CNTN5: variants seen among roughly 807,000 people sequenced by gnomAD.
CNTN5 encodes contactin 5.
CNTN5 carries 77 observed loss-of-function variants against 129.1 expected under a neutral mutation model. That is an observed-to-expected ratio of 0.60 (90% CI 0.50 to 0.72). The LOEUF is 0.72. CNTN5 is among the 30% of genes least tolerant of loss of function. The probability of loss-of-function intolerance (pLI) is 0.00; values close to 1 mark genes in which losing one functional copy is unlikely to be tolerated. For synonymous variants in CNTN5, 509 were observed against 465.6 expected, an observed-to-expected ratio of 1.09 and a Z score of -1.20; for missense variants, 1,478 against 1,328.8, an observed-to-expected ratio of 1.11 and a Z score of -1.75.
intron 3 of CNTN5, among the ~76,000 whole-genome samples, chr11:99,759,836 A>C (rs1944521559): frequency 6.6e-6 from 1 of 152,124 alleles, no homozygotes; most frequent in Non-Finnish European, 1.5e-5. Flanking sequence ...ATTTAAGTTC[A>C]AAATTGGTTG....
intron 2 of CNTN5, among the ~76,000 whole-genome samples, chr11:99,368,482 A>T (rs78561907): frequency 2.4e-4 from 35 of 143,546 alleles, no homozygotes; most frequent in African/African-American, 8.0e-4. Flanking sequence ...GTCTTAAATT[A>T]AAAAAAAAAA....
intron 20 of CNTN5, among the ~76,000 whole-genome samples, chr11:100,307,643 T>C (rs1457738273): frequency 6.6e-6 from 1 of 151,742 alleles, no homozygotes; most frequent in Admixed American, 6.6e-5. Flanking sequence ...AGTCAATGCA[T>C]GCCTTTTAAA....
At chr11:99,451,971 G>A (rs1308506290) in intron 2 of CNTN5, among the ~76,000 whole-genome samples, 2 of 152,062 alleles carry the variant, frequency 1.3e-5, no homozygotes, top group Non-Finnish European at 2.9e-5. Context: ...TTTGTTCGCA[G>A]AAATTGCTCC....
chr11:100,305,243 T>C (rs890119158), intron 20 of CNTN5, among the ~76,000 whole-genome samples: 1 of 151,538 alleles, frequency 6.6e-6, no homozygotes, highest in Admixed American at 6.6e-5. Context: ...ATCTGCAAAA[T>C]GAGAGCATGG....
At chr11:99,406,116 A>T (rs4754622) in intron 2 of CNTN5, among the ~76,000 whole-genome samples, 3 of 151,176 alleles carry the variant, frequency 2.0e-5, no homozygotes, top group African/African-American at 7.3e-5. Context: ...CTAGATGTTT[A>T]CCTGTTTCTA....
intron 1 of CNTN5, among the ~76,000 whole-genome samples, chr11:99,071,732 C>A (rs1865349910): frequency 6.6e-6 from 1 of 151,998 alleles, no homozygotes; most frequent in South Asian, 2.1e-4. Context: ...TATTTATGAA[C>A]AACTTTTCAG....
Position 99,989,702 on chromosome 11 carries a change from A to G in CNTN5, c.878-12332A>G, listed in dbSNP as rs533301785. On this transcript the variant is annotated intron_variant, in intron 8 of 24. Coordinates refer to ENST00000524871, the MANE Select transcript of CNTN5 (RefSeq NM_014361.4). ...ATAAACATCTACTTTTCTTTAAAAAAAACTTCATCTCACTTAAAGTAAATA... is the reference window on the plus strand; with the variant it reads ...ATAAACATCTACTTTTCTTTAAAAAGAACTTCATCTCACTTAAAGTAAATA... 5.0e-4 allele frequency among the ~76,000 whole-genome samples: 76 copies of G among 152,358 alleles called. 1 individual carries two copies. In the South Asian group the frequency reaches 0.011, roughly 22 times the overall value.
chr11:99,379,984 G>A (rs758970532), intron 2 of CNTN5, among the ~76,000 whole-genome samples: 2 of 151,868 alleles, frequency 1.3e-5, no homozygotes, highest in Non-Finnish European at 2.9e-5. Context: ...CATATAATGT[G>A]TATATATGCG....
chr11:100,036,954 C>G lies in CNTN5; in HGVS notation c.981-24258C>G, dbSNP rs1206401323. 2.0e-5 allele frequency among the ~76,000 whole-genome samples: 3 copies of G among 150,308 alleles called. No homozygotes were observed. The East Asian group carries it at 5.9e-4, about 29-fold the overall frequency. ...CTTCCTCTTTTCCTAATTGAAGACCCTTTATTCCCTTCTCCTGCCTGATTG... is the reference window on the plus strand; with the variant it reads ...CTTCCTCTTTTCCTAATTGAAGACCGTTTATTCCCTTCTCCTGCCTGATTG... On this transcript the variant is annotated intron_variant, in intron 9 of 24. Coordinates refer to ENST00000524871, the MANE Select transcript of CNTN5 (RefSeq NM_014361.4).
At chr11:99,946,735 A>T (rs536230999) in intron 7 of CNTN5, among the ~76,000 whole-genome samples, 2 of 152,122 alleles carry the variant, frequency 1.3e-5, no homozygotes, top group South Asian at 4.1e-4. Context: ...CCACTCAATT[A>T]CTTTAAATAT....
intron 1 of CNTN5, among the ~76,000 whole-genome samples, chr11:99,062,963 A>C (rs979296769): frequency 6.6e-6 from 1 of 152,162 alleles, no homozygotes; most frequent in Non-Finnish European, 1.5e-5. Context: ...TTACTGATGA[A>C]ATAAAAGAAA....
chr11:99,717,538 G>A (rs1028232321), intron 3 of CNTN5, among the ~76,000 whole-genome samples: 1 of 152,022 alleles, frequency 6.6e-6, no homozygotes, highest in Admixed American at 6.6e-5. Context: ...GCATGTGTGT[G>A]TGTTTGTTCA....
intron 8 of CNTN5, among the ~76,000 whole-genome samples, chr11:99,958,969 T>C (rs1950872802): frequency 1.3e-5 from 2 of 152,196 alleles, no homozygotes; most frequent in Non-Finnish European, 2.9e-5. Context: ...ACAGTGTCCA[T>C]GTGCAAGAGT....
At chr11:100,008,709 C>T (rs1209626752) in intron 9 of CNTN5, among the ~76,000 whole-genome samples, 1 of 152,122 alleles carries the variant, frequency 6.6e-6, no homozygotes, top group African/African-American at 2.4e-5. Context: ...CACAGAAATT[C>T]ACTATTCGCC....
In CNTN5 at chr11:99,784,632, C is replaced by T. The variant is rs185963150; in HGVS notation, c.56-34912C>T. Reference sequence around the variant, plus strand: ...TCAAATGGTATTTCTGGTTCTAGATCCCTGAAGAATTGCCACACTGTCTTC... The same window carrying T: ...TCAAATGGTATTTCTGGTTCTAGATTCCTGAAGAATTGCCACACTGTCTTC... On this transcript the variant is annotated intron_variant, in intron 3 of 24. Transcript: ENST00000524871. 4.1e-3 allele frequency among the ~76,000 whole-genome samples: 617 copies of T among 152,060 alleles called. 3 individuals are homozygous for T. The highest frequency in any genetic ancestry group is 6.4e-3 in the Non-Finnish European group (436 of 68,006).
At chr11:99,962,885 G>T (rs1186250914) in intron 8 of CNTN5, among the ~76,000 whole-genome samples, 1 of 150,588 alleles carries the variant, frequency 6.6e-6, no homozygotes, top group East Asian at 1.9e-4. Context: ...TTGTGGTTTT[G>T]ATTTGCATTT....
At chr11:99,506,304 AT>A (rs1420299009) in intron 2 of CNTN5, among the ~76,000 whole-genome samples, 9 of 152,198 alleles carry the variant, frequency 5.9e-5, no homozygotes, top group East Asian at 3.8e-4. Flanking sequence ...AAAGAAAAAA[AT>A]GTTCTCTCTT....
chr11:99,537,865 G>A (rs1947958671), intron 2 of CNTN5, among the ~76,000 whole-genome samples: 1 of 152,132 alleles, frequency 6.6e-6, no homozygotes, highest in Non-Finnish European at 1.5e-5. Context: ...GAGGTGGGAG[G>A]CTACTCTAAT....
intron 18 of CNTN5, among the ~76,000 whole-genome samples, chr11:100,276,754 C>T (rs1343686308): frequency 2.6e-5 from 4 of 151,872 alleles, no homozygotes; most frequent in Non-Finnish European, 5.9e-5. Flanking sequence ...GCTTAGTAAT[C>T]ATATCAGGAT....
Sources: allele counts gnomAD v4.1 joint callset (sites outside exome capture counted in the v4.1 genomes callset), GRCh38; gene constraint gnomAD v4.1.1; transcripts MANE v1.5; gene names NCBI Gene and HGNC (gene_info 2026-07-23, HGNC 2026-07-21).